ZBTB20: variants seen among roughly 807,000 people sequenced by gnomAD.
ZBTB20 encodes zinc finger and BTB domain containing 20.
ZBTB20 carries 9 observed loss-of-function variants against 56.9 expected under a neutral mutation model. The ratio of observed to expected loss-of-function variants is 0.16; its 90% CI spans 0.10 to 0.28. The LOEUF (loss-of-function observed/expected upper bound fraction) is 0.28, where lower values mean the gene tolerates loss of function less well. ZBTB20 is among the 10% of genes least tolerant of loss of function. The pLI is 1.00. For missense variants in ZBTB20, 655 were observed against 1,003.0 expected, an observed-to-expected ratio of 0.65 and a Z score of 4.69; for synonymous variants, 417 against 420.7, an observed-to-expected ratio of 0.99 and a Z score of 0.11.
chr3:114,791,949 T>C (rs1390628341), intron 5 of ZBTB20: 1 of 152,160 alleles, frequency 6.6e-6, no homozygotes. Context: ...CCTTTTCCAG[T>C]TGACTCAGAG....
intron 10 of ZBTB20, among the ~76,000 whole-genome samples, chr3:114,362,117 A>C (rs1253510983): frequency 6.6e-6 from 1 of 152,116 alleles, no homozygotes; most frequent in East Asian, 1.9e-4. Flanking sequence ...CCTCAGGTTT[A>C]ATTTTCTTTA....
intron 3 of ZBTB20, among the ~76,000 whole-genome samples, chr3:114,906,931 A>G (rs977696696): frequency 2.3e-4 from 35 of 151,848 alleles, no homozygotes; most frequent in Non-Finnish European, 2.9e-5. Flanking sequence ...GAAATCTATT[A>G]GCTTTTCCCT....
At chr3:114,360,325 G>A (rs972630834) in intron 10 of ZBTB20, among the ~76,000 whole-genome samples, 4 of 147,116 alleles carry the variant, frequency 2.7e-5, no homozygotes, top group African/African-American at 5.0e-5. Flanking sequence ...TTGTTGGTAG[G>A]AGGGGAATGC....
At chr3:114,668,920 C>G (rs1192745495) in intron 6 of ZBTB20, among the ~76,000 whole-genome samples, 1 of 152,032 alleles carries the variant, frequency 6.6e-6, no homozygotes, top group Admixed American at 6.6e-5. Flanking sequence ...GAGCTACCAG[C>G]TTTCTTCAGA....
At chr3:114,569,714 T>C (rs937771490) in intron 6 of ZBTB20, among the ~76,000 whole-genome samples, 1 of 152,224 alleles carries the variant, frequency 6.6e-6, no homozygotes, top group Non-Finnish European at 1.5e-5. Flanking sequence ...GCTATACAGA[T>C]ATTTCTTAGC....
At chr3:114,762,044 A>T (rs987087992) in intron 5 of ZBTB20, among the ~76,000 whole-genome samples, 1 of 152,174 alleles carries the variant, frequency 6.6e-6, no homozygotes, top group African/African-American at 2.4e-5. Context: ...TCTTAGCTAA[A>T]GCAAATTAGC....
At chr3:114,652,674 A>G (rs2060195510) in intron 6 of ZBTB20, among the ~76,000 whole-genome samples, 1 of 151,950 alleles carries the variant, frequency 6.6e-6, no homozygotes, top group Non-Finnish European at 1.5e-5. Context: ...CTGCAATCTC[A>G]TATACATTTT....
intron 3 of ZBTB20, among the ~76,000 whole-genome samples, chr3:114,972,697 T>C (rs1388702783): frequency 6.6e-6 from 1 of 152,178 alleles, no homozygotes; most frequent in Non-Finnish European, 1.5e-5. Flanking sequence ...TTAAAATCTA[T>C]TCCACTTTGA....
rs565938770 is a variant in ZBTB20, at chr3:114,607,459, A to G, written c.-295+86069T>C. Among the ~76,000 whole-genome samples the G allele has an allele frequency of 2.0e-3, 309 of 151,736 alleles. 3 individuals are homozygous for G. The highest frequency in any genetic ancestry group is 1.6e-3 in the Non-Finnish European group (112 of 67,898). On this transcript the variant is annotated intron_variant, in intron 6 of 11. Transcript: ENST00000675478. ...CTGGGATTACAGGCATGCACCCCCA[A>G]CGCCGGGCTAATTTTGTATTTTTAG...
chr3:114,812,547 G>C (rs1423093215), intron 4 of ZBTB20, among the ~76,000 whole-genome samples: 1 of 152,210 alleles, frequency 6.6e-6, no homozygotes, highest in Non-Finnish European at 1.5e-5. Flanking sequence ...GCCAGATATA[G>C]AGTGTCGATT....
intron 1 of ZBTB20, among the ~76,000 whole-genome samples, chr3:115,140,532 T>G (rs2084783452): frequency 1.3e-5 from 2 of 151,978 alleles, no homozygotes; most frequent in South Asian, 4.1e-4. Context: ...TGTGTGTGAG[T>G]GCGAGAGAGT....
At chr3:114,947,863 T>C (rs920080870) in intron 3 of ZBTB20, among the ~76,000 whole-genome samples, 5 of 145,520 alleles carry the variant, frequency 3.4e-5, no homozygotes, top group Non-Finnish European at 3.0e-5. Context: ...GTTTCACAGG[T>C]AAATTATTTC....
intron 5 of ZBTB20, among the ~76,000 whole-genome samples, chr3:114,751,385 T>C (rs1489173235): frequency 6.6e-6 from 1 of 152,178 alleles, no homozygotes; most frequent in Non-Finnish European, 1.5e-5. Flanking sequence ...TTGTGCATTC[T>C]CTTAAAATCA....
At chr3:114,428,884 T>A (rs1348461651) in intron 7 of ZBTB20, among the ~76,000 whole-genome samples, 1 of 152,194 alleles carries the variant, frequency 6.6e-6, no homozygotes, top group Non-Finnish European at 1.5e-5. Flanking sequence ...AGAAGTTAAT[T>A]CTGTAGTTGG....
At chr3:114,790,910 T>G (rs2070916971) in intron 5 of ZBTB20, among the ~76,000 whole-genome samples, 3 of 152,098 alleles carry the variant, frequency 2.0e-5, no homozygotes, top group Admixed American at 2.0e-4. Context: ...GATCAGTATT[T>G]AGTAGCAACA....
At chr3:114,673,203 C>T (rs984107992) in intron 6 of ZBTB20, among the ~76,000 whole-genome samples, 2 of 152,114 alleles carry the variant, frequency 1.3e-5, no homozygotes, top group African/African-American at 2.4e-5. Flanking sequence ...CTTTTCCCTG[C>T]CATGCCAACA....
At chr3:115,031,706 T>C (rs2080687544) in intron 2 of ZBTB20, among the ~76,000 whole-genome samples, 1 of 151,508 alleles carries the variant, frequency 6.6e-6, no homozygotes, top group Non-Finnish European at 1.5e-5. Context: ...CACACAGAAA[T>C]TGACACTAAG....
intron 6 of ZBTB20, among the ~76,000 whole-genome samples, chr3:114,592,673 A>G (rs1461951994): frequency 6.6e-6 from 1 of 152,248 alleles, no homozygotes; most frequent in African/African-American, 2.4e-5. Flanking sequence ...ATTTCGTTGA[A>G]TACAAACATA....
At chr3:114,991,512 C>T (rs1311496067) in intron 2 of ZBTB20, among the ~76,000 whole-genome samples, 1 of 152,010 alleles carries the variant, frequency 6.6e-6, no homozygotes, top group Non-Finnish European at 1.5e-5. Flanking sequence ...CTGAGGAGTG[C>T]TTTACTTCCA....
Sources: gnomAD v4.1 joint callset for allele counts (sites outside exome capture counted in the v4.1 genomes callset) on GRCh38, gnomAD v4.1.1 for gene constraint, MANE v1.5 for transcripts, NCBI Gene and HGNC (gene_info 2026-07-23, HGNC 2026-07-21) for gene names.